Variants in AOAH observed in about 807,000 individuals in gnomAD.
AOAH encodes acyloxyacyl hydrolase (neutrophil).
A neutral mutation model predicts 92.2 loss-of-function variants in AOAH; 64 were observed. The observed-to-expected ratio is 0.69, with a 90% CI of 0.57 to 0.86. AOAH has a LOEUF of 0.86. Among genes scored for constraint, AOAH ranks in the 40% least tolerant of loss-of-function variants. AOAH has a pLI of 0.00. For missense variants in AOAH, 656 were observed against 694.6 expected (o/e 0.94, Z 0.62); for synonymous variants, 263 against 254.5 (o/e 1.03, Z -0.32).
chr7:36,610,126 CTTTTTTT>C (rs68170280), intron 11 of AOAH, among the ~76,000 whole-genome samples: 7 of 89,444 alleles, frequency 7.8e-5, no homozygotes, highest in African/African-American at 3.3e-4. Context: ...TTTCTTTTTT[CTTTTTTT>C]TTTTAAGGAG....
chr7:36,709,043 G>T (rs1158264520), intron 1 of AOAH, among the ~76,000 whole-genome samples: 1 of 152,072 alleles, frequency 6.6e-6, no homozygotes, highest in Non-Finnish European at 1.5e-5. Context: ...ACACATGCAT[G>T]GTTTCCCAAT....
chr7:36,608,576 A>G (rs1375405844), intron 11 of AOAH, among the ~76,000 whole-genome samples: 2 of 152,230 alleles, frequency 1.3e-5, no homozygotes, highest in African/African-American at 4.8e-5. Flanking sequence ...TACTTTTTAG[A>G]TGAGGAAACT....
At chr7:36,550,593 C>T (rs1462227930) in intron 13 of AOAH, among the ~76,000 whole-genome samples, 1 of 152,188 alleles carries the variant, frequency 6.6e-6, no homozygotes, top group African/African-American at 2.4e-5. Flanking sequence ...TGAGCTCTGG[C>T]TTCCTGTGGA....
rs372635534 is a variant in AOAH, at chr7:36,659,407, G to C, written c.291-142C>G. On this transcript the variant is annotated intron_variant, in intron 3 of 20. Transcript: ENST00000617537. Reference sequence around the variant, plus strand: ...CAGAGTGGCCTTTGACCCCAATCCCGGGGAGCTGCTGGATGGTAATGATTT... The same window carrying C: ...CAGAGTGGCCTTTGACCCCAATCCCCGGGAGCTGCTGGATGGTAATGATTT... 7 of 657,952 alleles carry C rather than the reference G, an allele frequency of 1.1e-5. No homozygotes were observed. In the South Asian group the frequency reaches 1.2e-4, roughly 12 times the overall value. 40.8% of individuals were successfully genotyped at this position (657,952 alleles called of 1,614,324 possible).
chr7:36,534,626 C>G (rs1015055265), intron 16 of AOAH, among the ~76,000 whole-genome samples: 1 of 152,222 alleles, frequency 6.6e-6, no homozygotes, highest in African/African-American at 2.4e-5. Flanking sequence ...GTCCCCCACT[C>G]TTTCTTTTTA....
intron 11 of AOAH, among the ~76,000 whole-genome samples, chr7:36,599,414 A>G (rs1484282254): frequency 1.3e-5 from 2 of 152,154 alleles, no homozygotes; most frequent in Non-Finnish European, 2.9e-5. Flanking sequence ...TTCACTGTTT[A>G]CATTTGGGCT....
chr7:36,609,741 G>T (rs939064510), intron 11 of AOAH, among the ~76,000 whole-genome samples: 1 of 151,974 alleles, frequency 6.6e-6, no homozygotes, highest in African/African-American at 2.4e-5. Context: ...TTCTTCGTCC[G>T]CATTGCCCCA....
intron 2 of AOAH, among the ~76,000 whole-genome samples, chr7:36,682,971 T>C (rs1269784320): frequency 6.6e-6 from 1 of 152,050 alleles, no homozygotes; most frequent in Non-Finnish European, 1.5e-5. Flanking sequence ...ATATTTGAAA[T>C]CACATTGAGA....
chr7:36,604,322 T>C (rs769170952), intron 11 of AOAH, among the ~76,000 whole-genome samples: 2 of 152,208 alleles, frequency 1.3e-5, no homozygotes, highest in Non-Finnish European at 2.9e-5. Flanking sequence ...TTTCTATTAT[T>C]ATTATTAATT....
chr7:36,673,854 G>T lies in AOAH; in HGVS notation c.290+89C>A, dbSNP rs972247541. 2.0e-5 allele frequency: 18 copies of T among 882,694 alleles called. No homozygotes were observed. The Admixed American group carries it at 4.0e-4, about 20-fold the overall frequency. The allele number at this position is 882,694 out of a possible 1,614,324, so 54.7% of individuals were successfully genotyped here. ...GAGCCCTGTCCAGAAAGCGCATCAT[G>T]CTGAACACAGAGCCTCCCACCTCCC... is the stretch of plus-strand genomic sequence containing the variant. On this transcript the variant is annotated intron_variant, in intron 3 of 20. Coordinates refer to ENST00000617537, the MANE Select transcript of AOAH (RefSeq NM_001637.4).
rs1223230948 is a variant in AOAH, at chr7:36,637,762, T to C, written c.450+89A>G. The C allele has an allele frequency of 6.0e-6, 7 of 1,175,884 alleles. No homozygotes were observed. In the East Asian group the frequency reaches 1.2e-4, roughly 20 times the overall value. 72.8% of individuals were successfully genotyped at this position (1,175,884 alleles called of 1,614,324 possible). A position where few individuals can be genotyped will look rare whatever the true frequency, so the allele number is the denominator to read the frequency against. On this transcript the variant is annotated intron_variant, in intron 5 of 20. Transcript: ENST00000617537. ...GCATGTTGCAGGCTTATATCCGGAG[T>C]AGTCCTTGCCTTTGGGATGTGAAAG...
intron 16 of AOAH, among the ~76,000 whole-genome samples, chr7:36,534,014 C>G (rs1583750674): frequency 6.6e-6 from 1 of 152,158 alleles, no homozygotes; most frequent in Admixed American, 6.5e-5. Flanking sequence ...GTCCCCTCCC[C>G]CTGAGGGGCG....
chr7:36,518,149 C>T (rs1350029023), intron 20 of AOAH, among the ~76,000 whole-genome samples: 3 of 151,932 alleles, frequency 2.0e-5, no homozygotes, highest in Non-Finnish European at 2.9e-5. Flanking sequence ...CTTTGCTGTA[C>T]ATTATAAACA....
chr7:36,573,468 A>G (rs1478577315), intron 13 of AOAH, among the ~76,000 whole-genome samples: 1 of 152,248 alleles, frequency 6.6e-6, no homozygotes, highest in African/African-American at 2.4e-5. Context: ...CTGTAACCCC[A>G]GCGTTTTGGG....
intron 13 of AOAH, among the ~76,000 whole-genome samples, chr7:36,555,238 A>T (rs954645723): frequency 2.6e-5 from 4 of 151,968 alleles, no homozygotes; most frequent in African/African-American, 9.7e-5. Flanking sequence ...ATCTATTGAG[A>T]TAATCATGTG....
In AOAH at chr7:36,616,270, A is replaced by G. The variant is rs919197263; in HGVS notation, c.846+110T>C. ...TATGCCTTTCATGGCAGATTTTGCT[A>G]AAGAGGGAAATTTGCACCTGTGTGG... On this transcript the variant is annotated intron_variant, in intron 11 of 20. Transcript: ENST00000617537. 5 of 855,598 alleles carry G rather than the reference A, an allele frequency of 5.8e-6. No individual in the cohort carries two copies. The African/African-American group carries it at 6.7e-5, about 12-fold the overall frequency. The allele number at this position is 855,598 out of a possible 1,614,324, so 53.0% of individuals were successfully genotyped here. A position where few individuals can be genotyped will look rare whatever the true frequency, so the allele number is the denominator to read the frequency against.
intron 1 of AOAH, among the ~76,000 whole-genome samples, chr7:36,718,567 C>T (rs1799399477): frequency 6.6e-6 from 1 of 152,104 alleles, no homozygotes; most frequent in African/African-American, 2.4e-5. Flanking sequence ...TGTTCATCAA[C>T]AATGAATAAA....
intron 5 of AOAH, 77 bp downstream of exon 5, chr7:36,637,774 T>C: frequency 7.4e-7 from 1 of 1,356,664 alleles, no homozygotes; most frequent in Non-Finnish European, 1.1e-6. Flanking sequence ...GTCCTTGCCT[T>C]TGGGATGTGA....
rs185185163 is a variant in AOAH at position 36,530,314 on chromosome 7, C to T, written c.1522+104G>A. On this transcript the variant is annotated intron_variant, in intron 19 of 20. Transcript: ENST00000617537. The stretch of plus-strand genomic sequence containing the variant: ...TCAGAATAGGCAGGAGTAACCCTGC[C>T]GAATCTGCTGCCTGGTGGCTTATAA... 3.9e-5 allele frequency: 30 copies of T among 763,582 alleles called. No homozygotes were observed. The East Asian group carries it at 4.1e-4, about 10-fold the overall frequency. 47.3% of individuals were successfully genotyped at this position (763,582 alleles called of 1,614,324 possible).
Sources: gnomAD v4.1 joint callset for allele counts (sites outside exome capture counted in the v4.1 genomes callset) on GRCh38, gnomAD v4.1.1 for gene constraint, MANE v1.5 for transcripts, NCBI Gene and HGNC (gene_info 2026-07-23, HGNC 2026-07-21) for gene names.